Variants in NUBPL observed in about 807,000 individuals in gnomAD.
NUBPL encodes the protein NUBP iron-sulfur cluster assembly factor, mitochondrial, also known as iron-sulfur cluster transfer protein NUBPL.
NUBPL carries 31 observed loss-of-function variants against 45.7 expected under a neutral mutation model. That is an observed-to-expected ratio of 0.68 (90% CI 0.51 to 0.92). The LOEUF is 0.92. Ranked by LOEUF, NUBPL falls within the 40% of genes least tolerant of loss-of-function variation. The pLI is 0.00. For synonymous variants in NUBPL, 144 were observed against 140.9 expected, an observed-to-expected ratio of 1.02 and a Z score of -0.15; for missense variants, 401 against 398.7, an observed-to-expected ratio of 1.01 and a Z score of -0.05.
chr14:31,693,800 T>TAAAAAAAA (rs60070958), intron 6 of NUBPL, among the ~76,000 whole-genome samples: 1 of 94,602 alleles, frequency 1.1e-5, no homozygotes, highest in African/African-American at 4.1e-5. Flanking sequence ...AAGACAAAAT[T>TAAAAAAAA]AAAAAAAAAA....
Position 31,730,919 on chromosome 14 carries a change from G to T in NUBPL, c.514-56861G>T, listed in dbSNP as rs559964703. 4.8e-4 allele frequency among the ~76,000 whole-genome samples: 73 copies of T among 152,198 alleles called. 1 individual carries two copies. The South Asian group carries it at 0.015, about 32-fold the overall frequency. ...ACACATTATTCAGTGCACAGGCAAAGATAATCAGGCATGGAAGGATAAAAG... is the reference window on the plus strand; with the variant it reads ...ACACATTATTCAGTGCACAGGCAAATATAATCAGGCATGGAAGGATAAAAG... On this transcript the variant is annotated intron_variant, in intron 6 of 10. Transcript: ENST00000281081.
chr14:31,676,689 A>T (rs1224785142), intron 6 of NUBPL, among the ~76,000 whole-genome samples: 1 of 151,736 alleles, frequency 6.6e-6, no homozygotes, highest in Non-Finnish European at 1.5e-5. Flanking sequence ...GCCCTTTTCC[A>T]CATGTGTATT....
chr14:31,673,524 G>C lies in NUBPL; in HGVS notation c.463G>C (p.Val155Leu), dbSNP rs1179011510. ...GFLVEESEPV[V>L]WRGLMVMSAI... The stretch of plus-strand genomic sequence containing the variant: ...TCTGGTTGAAGAAAGTGAACCAGTA[G>C]TTTGGAGAGGCCTTATGGTAATGTC... Residue 155 changes from valine to leucine, a missense_variant, in exon 6 of 11, where the codon GTT becomes CTT. Coordinates refer to ENST00000281081, the MANE Select transcript of NUBPL (RefSeq NM_025152.3). The C allele has an allele frequency of 6.2e-7, 1 of 1,613,926 alleles. No homozygotes were observed. The highest frequency in any genetic ancestry group is 1.7e-5 in the Admixed American group (1 of 60,030).
intron 8 of NUBPL, among the ~76,000 whole-genome samples, chr14:31,827,059 GA>G (rs766666316): frequency 6.6e-6 from 1 of 152,014 alleles, no homozygotes; most frequent in African/African-American, 2.4e-5. Flanking sequence ...GGAAGCGGAT[GA>G]AAAAAAGATT....
chr14:31,700,736 G>A (rs2037314806), intron 6 of NUBPL, among the ~76,000 whole-genome samples: 1 of 152,266 alleles, frequency 6.6e-6, no homozygotes, highest in South Asian at 2.1e-4. Context: ...CTGCCGGCCT[G>A]CCTGCACTGC....
chr14:31,756,282 T>C (rs995440050), intron 6 of NUBPL, among the ~76,000 whole-genome samples: 3 of 152,138 alleles, frequency 2.0e-5, no homozygotes, highest in African/African-American at 7.2e-5. Context: ...TCTATAAATT[T>C]CCTTGGGCAG....
chr14:31,642,992 A>G (rs1028172023), intron 4 of NUBPL, among the ~76,000 whole-genome samples: 1 of 151,810 alleles, frequency 6.6e-6, no homozygotes, highest in Non-Finnish European at 1.5e-5. Flanking sequence ...ACTGGTTTTT[A>G]TATGTTGATT....
At chr14:31,814,746 T>C (rs2039881831) in intron 7 of NUBPL, among the ~76,000 whole-genome samples, 1 of 152,236 alleles carries the variant, frequency 6.6e-6, no homozygotes, top group African/African-American at 2.4e-5. Flanking sequence ...GTTTCAGTTT[T>C]CTGCATATGG....
At chr14:31,852,095 AC>A (rs2040547051) in intron 10 of NUBPL, among the ~76,000 whole-genome samples, 1 of 152,226 alleles carries the variant, frequency 6.6e-6, no homozygotes, top group South Asian at 2.1e-4. Context: ...CAAGTTTGCC[AC>A]TTTCGATGTG....
chr14:31,762,027 T>C (rs2038822010), intron 6 of NUBPL, among the ~76,000 whole-genome samples: 1 of 152,226 alleles, frequency 6.6e-6, no homozygotes, highest in African/African-American at 2.4e-5. Context: ...CAGAAACATA[T>C]CAGAAAGTTT....
At chr14:31,663,620 C>G (rs1000006258) in intron 4 of NUBPL, among the ~76,000 whole-genome samples, 1 of 152,136 alleles carries the variant, frequency 6.6e-6, no homozygotes, top group South Asian at 2.1e-4. Context: ...GTACCAGTAT[C>G]GTGCTGTTTT....
At chr14:31,724,401 T>C (rs1213315395) in intron 6 of NUBPL, among the ~76,000 whole-genome samples, 1 of 152,214 alleles carries the variant, frequency 6.6e-6, no homozygotes, top group Non-Finnish European at 1.5e-5. Context: ...GAAGGCATTT[T>C]ATTGATTATA....
intron 4 of NUBPL, among the ~76,000 whole-genome samples, chr14:31,648,008 A>G (rs929013119): frequency 6.6e-6 from 1 of 152,260 alleles, no homozygotes; most frequent in Non-Finnish European, 1.5e-5. Flanking sequence ...AATCTGTTTT[A>G]TAGCCATAAG....
At chr14:31,846,681 G>T in intron 9 of NUBPL, 90 bp downstream of exon 9, 1 of 1,568,308 alleles carries the variant, frequency 6.4e-7, no homozygotes, top group South Asian at 1.2e-5. Context: ...CAGAGGCCGG[G>T]CACGGAGTCT....
rs568253581 is a variant in NUBPL at position 31,632,603 on chromosome 14, T to G, written c.382+33224T>G. Among the ~76,000 whole-genome samples the G allele has an allele frequency of 1.0e-3, 157 of 152,316 alleles. 1 individual carries two copies. The highest frequency in any genetic ancestry group is 3.6e-3 in the African/African-American group (151 of 41,576). ...ATGAGAGAAAAAATAGTTTATAGAT[T>G]ATTATTTTCTTGCCTTTCTAATACT... is the stretch of plus-strand genomic sequence containing the variant. On this transcript the variant is annotated intron_variant, in intron 4 of 10. Coordinates refer to ENST00000281081, the MANE Select transcript of NUBPL (RefSeq NM_025152.3).
intron 4 of NUBPL, among the ~76,000 whole-genome samples, chr14:31,643,376 T>C (rs1298041540): frequency 6.6e-6 from 1 of 152,204 alleles, no homozygotes; most frequent in Non-Finnish European, 1.5e-5. Context: ...TTGAATTTTA[T>C]TGAATGCTTT....
rs554765252 is a variant in NUBPL, at chr14:31,820,456, A to G, written c.608-6173A>G. The stretch of plus-strand genomic sequence containing the variant: ...AAGAATTATAAAGATGAAATGTAAT[A>G]TCAGGTTTCAGAGACCATCTGTTAA... On this transcript the variant is annotated intron_variant, in intron 7 of 10. Transcript: ENST00000281081. Among the ~76,000 whole-genome samples the G allele has an allele frequency of 4.6e-5, 7 of 152,228 alleles. No homozygotes were observed. In the South Asian group the frequency reaches 1.2e-3, roughly 27 times the overall value.
intron 10 of NUBPL, among the ~76,000 whole-genome samples, chr14:31,852,773 T>C (rs1426403853): frequency 6.6e-6 from 1 of 152,196 alleles, no homozygotes; most frequent in African/African-American, 2.4e-5. Context: ...TAAGAAGCTG[T>C]GATTGAGGCC....
intron 4 of NUBPL, among the ~76,000 whole-genome samples, chr14:31,656,949 T>A (rs1024439547): frequency 6.6e-6 from 1 of 152,230 alleles, no homozygotes; most frequent in Non-Finnish European, 1.5e-5. Flanking sequence ...TCAATAAATA[T>A]GTTGAATGAG....
Sources: gnomAD v4.1 joint callset for allele counts (sites outside exome capture counted in the v4.1 genomes callset) on GRCh38, gnomAD v4.1.1 for gene constraint, MANE v1.5 for transcripts, NCBI Gene and HGNC (gene_info 2026-07-23, HGNC 2026-07-21) for gene names.